TYW1B: variants seen among roughly 807,000 people sequenced by gnomAD.
TYW1B encodes the protein S-adenosyl-L-methionine-dependent tRNA 4-demethylwyosine synthase TYW1B.
TYW1B carries 73 observed loss-of-function variants against 86.9 expected under a neutral mutation model. The ratio of observed to expected loss-of-function variants is 0.84; its 90% confidence interval spans 0.70 to 1.02. TYW1B has a LOEUF of 1.02. Among genes scored for constraint, TYW1B ranks in the 50% least tolerant of loss-of-function variants. The pLI is 0.00. For missense variants in TYW1B, 637 were observed against 827.4 expected, an observed-to-expected ratio of 0.77 and a Z score of 2.82; for synonymous variants, 248 against 292.8, an observed-to-expected ratio of 0.85 and a Z score of 1.56.
chr7:72,809,345 G>A (rs1232235712), intron 4 of TYW1B, among the ~76,000 whole-genome samples: 1 of 151,980 alleles, frequency 6.6e-6, no homozygotes, highest in Non-Finnish European at 1.5e-5. Context: ...AGGCCCAGCC[G>A]AAAAATTCAT....
At chr7:72,605,505 C>T (rs1441748386) in intron 13 of TYW1B, among the ~76,000 whole-genome samples, 4 of 152,064 alleles carry the variant, frequency 2.6e-5, no homozygotes, top group Admixed American at 1.3e-4. Flanking sequence ...AGGCACGTGC[C>T]ACCACGCCTG....
chr7:72,727,541 C>G (rs1787022781), intron 9 of TYW1B, among the ~76,000 whole-genome samples: 1 of 152,062 alleles, frequency 6.6e-6, no homozygotes, highest in Admixed American at 6.6e-5. Flanking sequence ...AATGCACATT[C>G]TCAGGTGGCT....
In TYW1B at chr7:72,717,644, GACACACACACACACACAC is replaced by G. The variant is rs71071905; in HGVS notation, c.1193-3864_1193-3847del. On this transcript the variant is annotated intron_variant, in intron 9 of 13. Transcript: ENST00000620995. ...TAAGGTATTGGTGTCAGCTGTGCTT[GACACACACACACACACAC>G]ACACACACACACACACTCTAATTCT... is the stretch of plus-strand genomic sequence containing the variant. 2.1e-5 allele frequency among the ~76,000 whole-genome samples: 3 copies of G among 146,206 alleles called. No homozygotes were observed. The South Asian group carries it at 6.6e-4, about 32-fold the overall frequency.
intron 11 of TYW1B, among the ~76,000 whole-genome samples, chr7:72,636,443 C>A (rs1554440758): frequency 6.6e-6 from 1 of 152,134 alleles, no homozygotes; most frequent in African/African-American, 2.4e-5. Flanking sequence ...TGTCTTTTAG[C>A]ACCAGCCAGA....
chr7:72,791,016 G>T (rs13245037), intron 6 of TYW1B, among the ~76,000 whole-genome samples: 3 of 150,692 alleles, frequency 2.0e-5, no homozygotes, highest in South Asian at 2.1e-4. Context: ...TGGCCCAGGT[G>T]ATTTTTGTTT....
At chr7:72,733,138 G>T (rs1554460232) in intron 8 of TYW1B, among the ~76,000 whole-genome samples, 3 of 148,520 alleles carry the variant, frequency 2.0e-5, no homozygotes, top group African/African-American at 7.5e-5. Flanking sequence ...TGGCTTCCCT[G>T]GTAAATTCCA....
intron 11 of TYW1B, among the ~76,000 whole-genome samples, chr7:72,669,932 AAAAT>A (rs78712037): frequency 0.11 from 15,971 of 140,844 alleles, 1,264 homozygotes; most frequent in African/African-American, 0.21. Flanking sequence ...CCATTTCTAC[AAAAT>A]AAATAAATAA....
intron 8 of TYW1B, among the ~76,000 whole-genome samples, chr7:72,742,039 A>T (rs1400930814): frequency 2.0e-5 from 3 of 152,226 alleles, no homozygotes; most frequent in Admixed American, 2.0e-4. Flanking sequence ...TATCATACAA[A>T]TATACAAAGA....
intron 9 of TYW1B, among the ~76,000 whole-genome samples, chr7:72,715,850 G>A (rs2844066): frequency 2.0e-5 from 3 of 152,118 alleles, no homozygotes; most frequent in South Asian, 2.1e-4. Flanking sequence ...CAGGATAGGG[G>A]TTCCTCATGG....
intron 2 of TYW1B, among the ~76,000 whole-genome samples, chr7:72,821,008 T>TGTCCCCCAGGCTGGAGTGCAGTGGC (rs1563106262): frequency 6.6e-6 from 1 of 152,238 alleles, no homozygotes. Context: ...GGTTTCACTC[T>TGTCCCCCAGGCTGGAGTGCAGTGGC]GTCCCCCAGG....
Position 72,728,829 on chromosome 7 carries a change from C to T in TYW1B, c.1185G>A (p.Gln395=), listed in dbSNP as rs1787052558. The change falls in exon 9 of 14, where the codon CAG becomes CAA. Residue 395 remains glutamine, a synonymous_variant. Transcript: ENST00000620995. ...TAGAGGGAAGATAAATACCTTTAAA[C>T]TGCTTAATCATGTTCTGATGGTTTT... is the stretch of plus-strand genomic sequence containing the variant. ...AIENHQNMIK[Q]FKGVPGVKAE... is the part of the protein sequence containing the mutation. The T allele has an allele frequency of 6.2e-7, 1 of 1,612,974 alleles. No individual in the cohort carries two copies. Among genetic ancestry groups the T allele is most frequent in the Non-Finnish European group, 8.5e-7 (1 of 1,179,530 alleles).
intron 8 of TYW1B, among the ~76,000 whole-genome samples, chr7:72,738,878 T>C (rs1226914412): frequency 2.0e-5 from 3 of 151,844 alleles, no homozygotes; most frequent in African/African-American, 7.3e-5. Flanking sequence ...CGAGACCAGC[T>C]TGAGAAACAT....
chr7:72,595,446 G>C (rs1811508332), intron 13 of TYW1B, among the ~76,000 whole-genome samples: 1 of 152,214 alleles, frequency 6.6e-6, no homozygotes, highest in Non-Finnish European at 1.5e-5. Context: ...CACTTTGGAA[G>C]GCTGAGGTGG....
At chr7:72,788,989 C>G (rs1372154824) in intron 6 of TYW1B, among the ~76,000 whole-genome samples, 1 of 151,910 alleles carries the variant, frequency 6.6e-6, no homozygotes, top group Admixed American at 6.6e-5. Flanking sequence ...AGCTACCACG[C>G]CCAGCTAACT....
chr7:72,708,826 C>T (rs1355566899), intron 10 of TYW1B, among the ~76,000 whole-genome samples: 1 of 152,132 alleles, frequency 6.6e-6, no homozygotes, highest in Non-Finnish European at 1.5e-5. Flanking sequence ...AAAGTAAAGG[C>T]TTTCTGAAGA....
intron 8 of TYW1B, among the ~76,000 whole-genome samples, chr7:72,736,726 G>C (rs1787202871): frequency 6.6e-6 from 1 of 152,214 alleles, no homozygotes; most frequent in East Asian, 1.9e-4. Context: ...TCTTACTATA[G>C]ATGCAGCCTG....
chr7:72,617,357 T>C (rs1356518521), intron 12 of TYW1B, among the ~76,000 whole-genome samples: 1 of 152,134 alleles, frequency 6.6e-6, no homozygotes, highest in East Asian at 1.9e-4. Flanking sequence ...AAGGATCCCT[T>C]TAAAATTATT....
intron 11 of TYW1B, among the ~76,000 whole-genome samples, chr7:72,678,656 G>A (rs1419256735): frequency 1.7e-5 from 2 of 115,690 alleles, no homozygotes; most frequent in Non-Finnish European, 3.3e-5. Context: ...ATGGAAACTC[G>A]CTCAGCCGCC....
At chr7:72,671,002 T>C (rs1326613427) in intron 11 of TYW1B, among the ~76,000 whole-genome samples, 3 of 152,328 alleles carry the variant, frequency 2.0e-5, no homozygotes, top group East Asian at 1.9e-4. Flanking sequence ...ACAAACTGTA[T>C]TGATTCACTC....
Sources: gnomAD v4.1 joint callset for allele counts (sites outside exome capture counted in the v4.1 genomes callset) on GRCh38, gnomAD v4.1.1 for gene constraint, MANE v1.5 for transcripts, NCBI Gene and HGNC (gene_info 2026-07-23, HGNC 2026-07-21) for gene names.